The following CUX1 variants were observed in gnomAD, a reference collection of about 807,000 sequenced individuals.
The protein encoded by CUX1 is cut like homeobox 1, also known as protein CASP.
CUX1 carries 31 observed loss-of-function variants against 158.8 expected under a neutral mutation model. That is an observed-to-expected ratio of 0.20 (90% confidence interval 0.15 to 0.26). CUX1 has a LOEUF of 0.26. Among genes scored for constraint, CUX1 ranks in the 10% least tolerant of loss-of-function variants. The pLI, the probability that CUX1 is intolerant of heterozygous loss-of-function variation, is 1.00. For synonymous variants in CUX1, 879 were observed against 862.1 expected, an observed-to-expected ratio of 1.02 and a Z score of -0.34; for missense variants, 1,589 against 2,014.6, an observed-to-expected ratio of 0.79 and a Z score of 4.04.
chr7:102,055,564 C>A (rs1048125182), intron 3 of CUX1, among the ~76,000 whole-genome samples: 1 of 152,166 alleles, frequency 6.6e-6, no homozygotes, highest in African/African-American at 2.4e-5. Flanking sequence ...TATAAGATGG[C>A]AGACTTAATT....
intron 2 of CUX1, among the ~76,000 whole-genome samples, chr7:102,009,579 C>G (rs955094218): frequency 6.6e-6 from 1 of 152,242 alleles, no homozygotes; most frequent in African/African-American, 2.4e-5. Flanking sequence ...AGGCATGAAC[C>G]ACTGCACCCA....
intron 3 of CUX1, among the ~76,000 whole-genome samples, chr7:102,064,597 G>T (rs1825329938): frequency 1.3e-5 from 2 of 152,358 alleles, no homozygotes; most frequent in South Asian, 4.1e-4. Flanking sequence ...TGTGTGGGGG[G>T]CATGAAGGTG....
At chr7:101,906,742 A>G (rs931963743) in intron 1 of CUX1, among the ~76,000 whole-genome samples, 1 of 151,896 alleles carries the variant, frequency 6.6e-6, no homozygotes, top group African/African-American at 2.4e-5. Context: ...CCTGCTTTCA[A>G]CTATGCTTTT....
intron 3 of CUX1, among the ~76,000 whole-genome samples, chr7:102,053,319 G>T (rs1405453064): frequency 6.6e-6 from 1 of 151,978 alleles, no homozygotes; most frequent in Non-Finnish European, 1.5e-5. Flanking sequence ...TTTTTGTGGG[G>T]ATGTATATAT....
intron 4 of CUX1, among the ~76,000 whole-genome samples, chr7:102,085,728 G>T (rs1827893383): frequency 6.6e-6 from 1 of 152,146 alleles, no homozygotes; most frequent in East Asian, 1.9e-4. Flanking sequence ...TAGTTTTCTG[G>T]TTTTTTTCCT....
intron 3 of CUX1, among the ~76,000 whole-genome samples, chr7:102,040,145 A>C (rs1390991353): frequency 6.6e-6 from 1 of 152,202 alleles, no homozygotes; most frequent in Non-Finnish European, 1.5e-5. Flanking sequence ...TAATGAAGGG[A>C]AACTGATGAT....
At chr7:101,875,185 T>C (rs961413158) in intron 1 of CUX1, among the ~76,000 whole-genome samples, 8 of 152,192 alleles carry the variant, frequency 5.3e-5, no homozygotes, top group African/African-American at 1.9e-4. Flanking sequence ...TGGGTCATTC[T>C]TCCTTAAATC....
chr7:101,968,508 C>T (rs543127516), intron 2 of CUX1, among the ~76,000 whole-genome samples: 11 of 152,244 alleles, frequency 7.2e-5, no homozygotes, highest in Admixed American at 1.3e-4. Flanking sequence ...CCGCAGCCTC[C>T]GTCTCCCAGG....
chr7:101,971,657 C>T lies in CUX1; in HGVS notation c.141+55432C>T, dbSNP rs184317685. On this transcript the variant is annotated intron_variant, in intron 2 of 23. Coordinates refer to ENST00000292535, the MANE Select transcript of CUX1 (RefSeq NM_181552.4). ...GCAACCAGATAAGTCATGTGACTTA[C>T]GCTGTCCACAAGCTCAAAACAAAGC... Among the ~76,000 whole-genome samples the T allele has an allele frequency of 1.4e-4, 21 of 152,226 alleles. No individual in the cohort carries two copies. In the East Asian group the frequency reaches 2.3e-3, roughly 17 times the overall value.
chr7:102,132,502 C>T (rs1207317942), intron 8 of CUX1, among the ~76,000 whole-genome samples: 3 of 151,744 alleles, frequency 2.0e-5, no homozygotes, highest in Non-Finnish European at 4.4e-5. Context: ...CTTCTGCTTT[C>T]TTCCTCTGCC....
At chr7:102,171,844 G>A (rs1460815123) in intron 10 of CUX1, among the ~76,000 whole-genome samples, 4 of 152,156 alleles carry the variant, frequency 2.6e-5, no homozygotes, top group Non-Finnish European at 5.9e-5. Context: ...TCACAAGGCC[G>A]CTCTATGGAG....
intron 8 of CUX1, among the ~76,000 whole-genome samples, chr7:102,132,294 T>TGG: frequency 3.7e-5 from 1 of 27,036 alleles, no homozygotes; most frequent in South Asian, 1.9e-3. Flanking sequence ...AGAGAGAGAG[T>TGG]GTGTGTGTGT....
chr7:101,937,393 G>A (rs1002125255), intron 2 of CUX1, among the ~76,000 whole-genome samples: 2 of 152,212 alleles, frequency 1.3e-5, no homozygotes, highest in African/African-American at 2.4e-5. Context: ...AGCAAAGATC[G>A]CCCAAGCTTT....
intron 13 of CUX1, 99 bp from the exon 14 acceptor site, chr7:102,195,408 A>C: frequency 2.3e-6 from 2 of 880,580 alleles, no homozygotes; most frequent in Non-Finnish European, 3.5e-6. Context: ...CTGGGTGGGA[A>C]CGCGGACAGA....
intron 19 of CUX1, 93 bp downstream of exon 19, chr7:102,204,649 G>C: frequency 1.3e-6 from 2 of 1,508,622 alleles, no homozygotes; most frequent in Non-Finnish European, 1.8e-6. Context: ...AGAGGGAGGA[G>C]GGAACTCCGC....
rs565033329 is a variant in CUX1 at position 102,149,473 on chromosome 7, G to C, written c.675-9087G>C. Among the ~76,000 whole-genome samples the C allele has an allele frequency of 1.1e-4, 16 of 140,660 alleles. No individual in the cohort carries two copies. The East Asian group carries it at 3.3e-3, about 29-fold the overall frequency. 92.3% of individuals were successfully genotyped at this position (140,660 alleles called of 152,430 possible). On this transcript the variant is annotated intron_variant, in intron 8 of 23. Coordinates refer to ENST00000292535, the MANE Select transcript of CUX1 (RefSeq NM_181552.4). ...GTGCAGGGTGTATTCCTGTGTGCTAGCGAGAAGGGAGTCCCAGCGCCACTA... is the reference window on the plus strand; with the variant it reads ...GTGCAGGGTGTATTCCTGTGTGCTACCGAGAAGGGAGTCCCAGCGCCACTA...
At chr7:102,037,963 G>A (rs1376583926) in intron 3 of CUX1, among the ~76,000 whole-genome samples, 12 of 151,726 alleles carry the variant, frequency 7.9e-5, no homozygotes, top group Non-Finnish European at 1.5e-4. Flanking sequence ...ACTGAGGCAC[G>A]AGAGTTGCTT....
intron 2 of CUX1, among the ~76,000 whole-genome samples, chr7:102,013,165 C>T (rs1818225091): frequency 6.7e-6 from 1 of 148,420 alleles, no homozygotes; most frequent in Non-Finnish European, 1.5e-5. Context: ...TTATGAATGA[C>T]GTTACTGTCT....
intron 1 of CUX1, among the ~76,000 whole-genome samples, chr7:101,901,680 T>C (rs936078650): frequency 2.0e-5 from 3 of 152,002 alleles, no homozygotes; most frequent in Admixed American, 1.3e-4. Context: ...CCCCAAAGCG[T>C]ATATGTCCCG....
Sources: allele counts gnomAD v4.1 joint callset (sites outside exome capture counted in the v4.1 genomes callset), GRCh38; gene constraint gnomAD v4.1.1; transcripts MANE v1.5; gene names NCBI Gene and HGNC (gene_info 2026-07-23, HGNC 2026-07-21).